HS3ST5: variants seen among roughly 807,000 people sequenced by gnomAD.
The protein encoded by HS3ST5 is heparan sulfate glucosamine 3-O-sulfotransferase 5.
In HS3ST5, 10 loss-of-function variants were observed where a neutral mutation model predicts 25.4. The observed-to-expected ratio is 0.39, with a 90% confidence interval of 0.24 to 0.67. HS3ST5 has a LOEUF of 0.67. Ranked by LOEUF, HS3ST5 falls within the 30% of genes least tolerant of loss-of-function variation. The pLI is 0.44. For missense variants in HS3ST5, 324 were observed against 420.7 expected (o/e 0.77, Z 2.01); for synonymous variants, 170 against 162.4 (o/e 1.05, Z -0.36).
intron 3 of HS3ST5, among the ~76,000 whole-genome samples, chr6:114,145,050 G>T (rs975888723): frequency 1.3e-5 from 2 of 152,142 alleles, no homozygotes; most frequent in African/African-American, 4.8e-5. Flanking sequence ...CTTCACTCCA[G>T]TTCCTCCACT....
chr6:114,096,084 T>C (rs182352948), intron 3 of HS3ST5, among the ~76,000 whole-genome samples: 3 of 152,306 alleles, frequency 2.0e-5, no homozygotes, highest in Admixed American at 6.5e-5. Flanking sequence ...ATTTTAAACC[T>C]TCAGGAAGCG....
At chr6:114,246,826 A>C (rs1390824693) in intron 1 of HS3ST5, among the ~76,000 whole-genome samples, 1 of 152,216 alleles carries the variant, frequency 6.6e-6, no homozygotes, top group Admixed American at 6.5e-5. Context: ...AATAAGGAGA[A>C]TCTTCAAAGA....
chr6:114,265,247 G>T (rs1773354491), intron 1 of HS3ST5, among the ~76,000 whole-genome samples: 1 of 152,102 alleles, frequency 6.6e-6, no homozygotes, highest in African/African-American at 2.4e-5. Flanking sequence ...AGAAGAGAAT[G>T]TATCAAAATG....
chr6:114,157,728 T>G (rs193121294), intron 3 of HS3ST5, among the ~76,000 whole-genome samples: 7 of 152,294 alleles, frequency 4.6e-5, no homozygotes, highest in Admixed American at 2.6e-4. Context: ...AATTTATAAA[T>G]TAAAAAGTAA....
At chr6:114,096,339 A>G (rs1775424520) in intron 3 of HS3ST5, among the ~76,000 whole-genome samples, 1 of 152,182 alleles carries the variant, frequency 6.6e-6, no homozygotes, top group Non-Finnish European at 1.5e-5. Context: ...CGGCTACATG[A>G]AAGTATAATG....
chr6:114,084,873 C>T (rs1582582255), intron 3 of HS3ST5: 1 of 557,918 alleles, frequency 1.8e-6, no homozygotes, highest in East Asian at 3.4e-5. Flanking sequence ...CCCTCTGCTG[C>T]CAGGCTGGAG....
chr6:114,137,916 C>G (rs2114925383), intron 3 of HS3ST5, among the ~76,000 whole-genome samples: 1 of 152,208 alleles, frequency 6.6e-6, no homozygotes, highest in Non-Finnish European at 1.5e-5. Context: ...TCTTCAATAT[C>G]CCCAAATAGA....
At chr6:114,098,871 T>G (rs1315111775) in intron 3 of HS3ST5, among the ~76,000 whole-genome samples, 4 of 152,158 alleles carry the variant, frequency 2.6e-5, no homozygotes, top group Non-Finnish European at 5.9e-5. Flanking sequence ...CACATATATG[T>G]GTACATGTAT....
chr6:114,216,728 TAAAA>T (rs760077446), intron 2 of HS3ST5, among the ~76,000 whole-genome samples: 4 of 90,158 alleles, frequency 4.4e-5, no homozygotes, highest in Admixed American at 1.3e-4. Context: ...TCGTCCTCCT[TAAAA>T]AAAAAAAAAA....
rs1772807553 is a variant in HS3ST5, at chr6:114,057,064, C to G, written c.*193G>C. 1 of 517,970 alleles carries G rather than the reference C, an allele frequency of 1.9e-6. No homozygotes were observed. The highest frequency in any genetic ancestry group is 1.9e-5 in the African/African-American group (1 of 52,452). 32.1% of individuals were successfully genotyped at this position (517,970 alleles called of 1,614,324 possible). On this transcript the variant is annotated 3_prime_UTR_variant, in exon 5 of 5. Transcript: ENST00000312719. ...AGCTTAAAAGATGCGACTATGCAGA[C>G]AGCAATTTTTTTTTTTTCGTAAATT...
At chr6:114,279,076 G>A (rs1446256338) in intron 1 of HS3ST5, among the ~76,000 whole-genome samples, 1 of 151,934 alleles carries the variant, frequency 6.6e-6, no homozygotes, top group Non-Finnish European at 1.5e-5. Flanking sequence ...TTCTTTAGTT[G>A]GCAATTAGAC....
intron 1 of HS3ST5, among the ~76,000 whole-genome samples, chr6:114,333,757 T>C (rs1582823269): frequency 1.3e-5 from 2 of 152,078 alleles, no homozygotes; most frequent in African/African-American, 4.8e-5. Context: ...GTATTACGGC[T>C]AATATTTTTA....
intron 3 of HS3ST5, among the ~76,000 whole-genome samples, chr6:114,088,090 A>C (rs954225714): frequency 1.3e-5 from 2 of 152,218 alleles, no homozygotes; most frequent in African/African-American, 4.8e-5. Context: ...GGTAAAGAAA[A>C]TTTATCACTG....
At chr6:114,284,171 G>A (rs1037370161) in intron 1 of HS3ST5, among the ~76,000 whole-genome samples, 8 of 152,026 alleles carry the variant, frequency 5.3e-5, no homozygotes, top group Non-Finnish European at 1.2e-4. Context: ...CCTTATAGGG[G>A]AACTTAAAAG....
intron 1 of HS3ST5, among the ~76,000 whole-genome samples, chr6:114,247,342 C>T (rs1236803633): frequency 6.6e-6 from 1 of 152,168 alleles, no homozygotes; most frequent in African/African-American, 2.4e-5. Flanking sequence ...TGGCTGTCAA[C>T]ATATTAGGCT....
chr6:114,228,338 T>A lies in HS3ST5; in HGVS notation c.-145+247A>T, dbSNP rs530956356. On this transcript the variant is annotated intron_variant, in intron 2 of 4. Transcript: ENST00000312719. ...ATGTTAATGCTTTGTAATGTGATAC[T>A]GATTATCAAATATCAAGGTTTCTAC... Among the ~76,000 whole-genome samples, 10 of 152,292 alleles carry A rather than the reference T, an allele frequency of 6.6e-5. 1 individual carries two copies. In the South Asian group the frequency reaches 2.1e-3, roughly 32 times the overall value.
At chr6:114,314,743 T>C (rs1222288383) in intron 1 of HS3ST5, among the ~76,000 whole-genome samples, 2 of 152,206 alleles carry the variant, frequency 1.3e-5, no homozygotes, top group East Asian at 3.8e-4. Context: ...CCTTTCAGCT[T>C]TAAATTTTCA....
intron 1 of HS3ST5, among the ~76,000 whole-genome samples, chr6:114,296,344 G>GA (rs35359150): frequency 4.0e-5 from 6 of 150,184 alleles, no homozygotes; most frequent in Non-Finnish European, 5.9e-5. Context: ...TTTTGCCCTG[G>GA]AAAAAAAAAT....
At chr6:114,129,368 G>A (rs1777217399) in intron 3 of HS3ST5, among the ~76,000 whole-genome samples, 1 of 145,774 alleles carries the variant, frequency 6.9e-6, no homozygotes. Flanking sequence ...CCATTCTCCT[G>A]CCTGGGCCTC....
Sources: allele counts gnomAD v4.1 joint callset (sites outside exome capture counted in the v4.1 genomes callset), GRCh38; gene constraint gnomAD v4.1.1; transcripts MANE v1.5; gene names NCBI Gene and HGNC (gene_info 2026-07-23, HGNC 2026-07-21).